Variants in CENPO observed in about 807,000 individuals in gnomAD.
The protein encoded by CENPO is centromere protein O.
CENPO carries 30 observed loss-of-function variants against 36.1 expected under a neutral mutation model. The ratio of observed to expected loss-of-function variants is 0.83; its 90% CI spans 0.62 to 1.13. CENPO has a LOEUF of 1.13. CENPO is among the 50% of genes most tolerant of loss of function. The pLI, the probability that CENPO is intolerant of heterozygous loss-of-function variation, is 0.00. For missense variants in CENPO, 349 were observed against 357.8 expected (o/e 0.98, Z 0.20); for synonymous variants, 171 against 142.3 (o/e 1.20, Z -1.44).
rs2148341209 is a variant in CENPO at position 24,821,259 on chromosome 2, T to C, written c.*1941T>C. ...TCTGGAAATGGATCACAAACTCACT[T>C]CTCAGCCAGGCAGGCCAAGCTTCTA... On this transcript the variant is annotated 3_prime_UTR_variant, in exon 8 of 8. Coordinates refer to ENST00000380834, the MANE Select transcript of CENPO (RefSeq NM_001322101.2). 1 of 489,008 alleles carries C rather than the reference T, an allele frequency of 2.0e-6. No individual in the cohort carries two copies. Among genetic ancestry groups the C allele is most frequent in the South Asian group, 2.9e-5 (1 of 34,684 alleles). The allele number at this position is 489,008 out of a possible 1,614,324, so 30.3% of individuals were successfully genotyped here.
intron 3 of CENPO, among the ~76,000 whole-genome samples, chr2:24,805,765 G>T (rs1389218773): frequency 6.6e-6 from 1 of 152,172 alleles, no homozygotes; most frequent in Non-Finnish European, 1.5e-5. Context: ...TAGGCTACTC[G>T]GGGGTCAGGG....
At chr2:24,811,054 A>G (rs1666652479) in intron 3 of CENPO, among the ~76,000 whole-genome samples, 1 of 147,546 alleles carries the variant, frequency 6.8e-6, no homozygotes, top group Non-Finnish European at 1.5e-5. Flanking sequence ...AGTGATTCTC[A>G]TGCCTCAGCG....
intron 3 of CENPO, among the ~76,000 whole-genome samples, chr2:24,804,089 T>G (rs1287780150): frequency 2.0e-5 from 3 of 152,252 alleles, no homozygotes; most frequent in Non-Finnish European, 4.4e-5. Context: ...TGTAATGGTC[T>G]TCTTTGTCTC....
At chr2:24,816,938 C>A in intron 6 of CENPO, 121 bp downstream of exon 6, 1 of 782,628 alleles carries the variant, frequency 1.3e-6, no homozygotes, top group Middle Eastern at 3.8e-4. Context: ...ATATACTGTA[C>A]ATTACTCAGA....
At chr2:24,800,234 G>A (rs1326401733) in intron 3 of CENPO, among the ~76,000 whole-genome samples, 2 of 152,128 alleles carry the variant, frequency 1.3e-5, no homozygotes, top group African/African-American at 2.4e-5. Context: ...AGCTGAGATC[G>A]AGCCACTGCA....
At chr2:24,802,351 C>T (rs1026061657) in intron 3 of CENPO, among the ~76,000 whole-genome samples, 6 of 152,028 alleles carry the variant, frequency 3.9e-5, no homozygotes, top group Non-Finnish European at 7.4e-5. Flanking sequence ...CTGGCCAGAA[C>T]TTCCAACACT....
chr2:24,803,811 T>G lies in CENPO; in HGVS notation c.216+3967T>G, dbSNP rs1666259823. On this transcript the variant is annotated intron_variant, in intron 3 of 7. Coordinates refer to ENST00000380834, the MANE Select transcript of CENPO (RefSeq NM_001322101.2). ...TGAAAAAAATGTATATTCTGTTGAT[T>G]TGGGGTGGAGAGTTCTGTAGATGTC... is the stretch of plus-strand genomic sequence containing the variant. 2.0e-5 allele frequency among the ~76,000 whole-genome samples: 3 copies of G among 152,186 alleles called. No individual in the cohort carries two copies. The South Asian group carries it at 6.2e-4, about 32-fold the overall frequency.
rs76741040 is a variant in CENPO at position 24,814,458 on chromosome 2, A to G, written c.299A>G (p.Asn100Ser). ...EQEALEEKLE[N>S]VKAILQAYHF... ...GAAGCATTGGAAGAGAAATTGGAAA[A>G]TGTGAAAGCCATTCTGCAGGCATAT... The change falls in exon 4 of 8, where the codon AAT becomes AGT. Residue 100 changes from asparagine to serine, a missense_variant. Coordinates refer to ENST00000380834, the MANE Select transcript of CENPO (RefSeq NM_001322101.2). The G allele has an allele frequency of 7.5e-4, 1,201 of 1,596,244 alleles. 10 individuals carry two copies. In the African/African-American group the frequency reaches 0.014, roughly 19 times the overall value.
chr2:24,815,715 A>C lies in CENPO; in HGVS notation c.553A>C (p.Asn185His). 1 of 1,614,082 alleles carries C rather than the reference A, an allele frequency of 6.2e-7. No homozygotes were observed. The highest frequency in any genetic ancestry group is 8.5e-7 in the Non-Finnish European group (1 of 1,179,978). The stretch of plus-strand genomic sequence containing the variant: ...CCTGTTCAGTCTCTGCGAGTACCTG[A>C]ATGCTTACTCTGGGAGGAAGTACCA... ...HFLFSLCEYL[N>H]AYSGRKYQAD... Residue 185 changes from asparagine to histidine, a missense_variant, in exon 5 of 8, where the codon AAT becomes CAT. Transcript: ENST00000380834.
At chr2:24,818,949 G>C (rs1438363415) in intron 7 of CENPO, among the ~76,000 whole-genome samples, 1 of 152,238 alleles carries the variant, frequency 6.6e-6, no homozygotes, top group Non-Finnish European at 1.5e-5. Context: ...GAGAGCTCCA[G>C]GAACAGTGCA....
chr2:24,818,751 C>T (rs1550115), intron 7 of CENPO, among the ~76,000 whole-genome samples: 106,023 of 152,062 alleles, frequency 0.7, 37,921 homozygotes, highest in Admixed American at 0.79. Flanking sequence ...GCCGTAACCA[C>T]GGGCCTCTGA....
chr2:24,806,057 G>A (rs893638231), intron 3 of CENPO, among the ~76,000 whole-genome samples: 3 of 152,212 alleles, frequency 2.0e-5, no homozygotes, highest in African/African-American at 7.2e-5. Context: ...CTGCTGCCTT[G>A]CAGTTTGATC....
Position 24,793,842 on chromosome 2 carries a change from C to T in CENPO, c.-68-10C>T. On this transcript the variant is annotated splice_polypyrimidine_tract_variant and intron_variant, in intron 1 of 7. Coordinates refer to ENST00000380834, the MANE Select transcript of CENPO (RefSeq NM_001322101.2). ...ATGTGATGTGACTGTTGCCATTTTT[C>T]TTTTATTAGCAAGGACATTGGAGTC... The T allele has an allele frequency of 6.2e-7, 1 of 1,605,674 alleles. No homozygotes were observed. The highest frequency in any genetic ancestry group is 1.1e-5 in the South Asian group (1 of 90,934).
rs1375775116 is a variant in CENPO, at chr2:24,819,968, A to G, written c.*650A>G. On this transcript the variant is annotated 3_prime_UTR_variant, in exon 8 of 8. Coordinates refer to ENST00000380834, the MANE Select transcript of CENPO (RefSeq NM_001322101.2). Reference sequence around the variant, plus strand: ...CCACCACCTGGTGGGGCAGTGTGACAGAGGGGCCATTGGGGAAGGTGGCTA... The same window carrying G: ...CCACCACCTGGTGGGGCAGTGTGACGGAGGGGCCATTGGGGAAGGTGGCTA... 6.2e-7 allele frequency: 1 copy of G among 1,613,902 alleles called. No homozygotes were observed. The highest frequency in any genetic ancestry group is 1.3e-5 in the African/African-American group (1 of 75,004).
intron 7 of CENPO, chr2:24,819,145 T>TTGTGGAA (rs1220495635): frequency 6.6e-6 from 1 of 152,654 alleles, no homozygotes; most frequent in African/African-American, 2.4e-5. Flanking sequence ...AGATAAGTGA[T>TTGTGGAA]ATTAACAGAA....
At chr2:24,803,108 A>G (rs1188513122) in intron 3 of CENPO, among the ~76,000 whole-genome samples, 6 of 151,964 alleles carry the variant, frequency 3.9e-5, no homozygotes, top group Admixed American at 3.3e-4. Flanking sequence ...TTTCTAGTTT[A>G]TTTGCGTAGA....
In CENPO at chr2:24,806,223, C is replaced by T. The variant is rs1476964724; in HGVS notation, c.216+6379C>T. Among the ~76,000 whole-genome samples, 3 of 152,218 alleles carry T rather than the reference C, an allele frequency of 2.0e-5. No individual in the cohort carries two copies. The East Asian group carries it at 5.8e-4, about 29-fold the overall frequency. On this transcript the variant is annotated intron_variant, in intron 3 of 7. Transcript: ENST00000380834. ...CCGATTTTCCAGGTGCCGTCTGTCA[C>T]CCCTTTCTTTGACTAGGAAAGGGAA...
At chr2:24,795,899 A>T (rs1665878511) in intron 2 of CENPO, among the ~76,000 whole-genome samples, 1 of 152,228 alleles carries the variant, frequency 6.6e-6, no homozygotes, top group Admixed American at 6.5e-5. Flanking sequence ...ATTGGTGAAT[A>T]AAGCAGTTAA....
chr2:24,821,193 C>T lies in CENPO; in HGVS notation c.*1875C>T, dbSNP rs1667644310. 2 of 433,984 alleles carry T rather than the reference C, an allele frequency of 4.6e-6. No individual in the cohort carries two copies. The highest frequency in any genetic ancestry group is 4.0e-5 in the Admixed American group (1 of 25,272). 26.9% of individuals were successfully genotyped at this position (433,984 alleles called of 1,614,324 possible). On this transcript the variant is annotated 3_prime_UTR_variant, in exon 8 of 8. Coordinates refer to ENST00000380834, the MANE Select transcript of CENPO (RefSeq NM_001322101.2). ...ATCTTAACTCCTTTCAAAGAGCAGG[C>T]CTGTCTGGGAAGCCATGTCCTCAGC... is the stretch of plus-strand genomic sequence containing the variant.
Sources: allele counts gnomAD v4.1 joint callset (sites outside exome capture counted in the v4.1 genomes callset), GRCh38; gene constraint gnomAD v4.1.1; transcripts MANE v1.5; gene names NCBI Gene and HGNC (gene_info 2026-07-23, HGNC 2026-07-21).